PRKG2: variants seen among roughly 807,000 people sequenced by gnomAD.
PRKG2 encodes protein kinase cGMP-dependent 2.
A neutral mutation model predicts 97.2 loss-of-function variants in PRKG2; 33 were observed. That is an observed-to-expected ratio of 0.34 (90% CI 0.26 to 0.45). The LOEUF is 0.45. Ranked by LOEUF, PRKG2 falls within the 20% of genes least tolerant of loss-of-function variation. The pLI is 1.00. For missense variants in PRKG2, 638 were observed against 900.0 expected (o/e 0.71, Z 3.73); for synonymous variants, 330 against 321.8 (o/e 1.03, Z -0.27).
intron 14 of PRKG2, among the ~76,000 whole-genome samples, chr4:81,115,243 C>G (rs925878520): frequency 6.6e-6 from 1 of 152,154 alleles, no homozygotes; most frequent in Admixed American, 6.5e-5. Context: ...AGAGTTCTGA[C>G]CGCTCTACAT....
intron 2 of PRKG2, among the ~76,000 whole-genome samples, chr4:81,194,594 C>A (rs917169270): frequency 6.6e-6 from 1 of 150,570 alleles, no homozygotes; most frequent in Non-Finnish European, 1.5e-5. Context: ...CACAACAAAA[C>A]ATTTCTCTCT....
Position 81,140,587 on chromosome 4 carries a change from T to C in PRKG2, c.1490A>G (p.His497Arg), listed in dbSNP as rs1747183725. 1.2e-6 allele frequency: 2 copies of C among 1,613,016 alleles called. No homozygotes were observed. Among genetic ancestry groups the C allele is most frequent in the Non-Finnish European group, 8.5e-7 (1 of 1,179,248 alleles). The stretch of plus-strand genomic sequence containing the variant: ...TAGGATCCTCTTCTCTGAGTAGACA[T>C]GCTCCTGCTGCTTGGTGTCAACTAT... ...KHIVDTKQQEHVYSEKRILEE... is the reference protein window; with the variant it reads ...KHIVDTKQQERVYSEKRILEE... Residue 497 changes from histidine to arginine, a missense_variant, in exon 12 of 19, where the codon CAT becomes CGT. This residue lies in a region of PRKG2 where 304 missense variants were observed against 460.5 expected (regional missense o/e 0.66). Transcript: ENST00000264399.
At chr4:81,150,116 G>A (rs1414075657) in intron 8 of PRKG2, among the ~76,000 whole-genome samples, 1 of 152,150 alleles carries the variant, frequency 6.6e-6, no homozygotes, top group Non-Finnish European at 1.5e-5. Context: ...TGTAGAGCCA[G>A]ACAGATCTAG....
Position 81,140,569 on chromosome 4 carries a change from C to T in PRKG2, c.1508G>A (p.Arg503Lys), listed in dbSNP as rs774972977. The T allele has an allele frequency of 1.2e-6, 2 of 1,610,554 alleles. No homozygotes were observed. The highest frequency in any genetic ancestry group is 1.7e-6 in the Non-Finnish European group (2 of 1,177,638). Reference sequence around the variant, plus strand: ...TGGAGAGCACAGCTCCTCTAGGATCCTCTTCTCTGAGTAGACATGCTCCTG... The same window carrying T: ...TGGAGAGCACAGCTCCTCTAGGATCTTCTTCTCTGAGTAGACATGCTCCTG... The part of the protein sequence containing the change: ...KQQEHVYSEK[R>K]ILEELCSPFI... Residue 503 changes from arginine to lysine, a missense_variant, in exon 12 of 19, where the codon AGG becomes AAG. Arg to Lys is a conservative substitution (Grantham distance 26, BLOSUM62 2). Coordinates refer to ENST00000264399, the MANE Select transcript of PRKG2 (RefSeq NM_006259.3).
intron 3 of PRKG2, chr4:81,174,012 G>C (rs1313629743): frequency 1.3e-5 from 2 of 151,870 alleles, no homozygotes; most frequent in Admixed American, 6.6e-5. Context: ...TTTAATCCCT[G>C]TTTAGATAAT....
At chr4:81,160,436 A>T (rs1167778918) in intron 6 of PRKG2, among the ~76,000 whole-genome samples, 1 of 152,170 alleles carries the variant, frequency 6.6e-6, no homozygotes, top group Admixed American at 6.5e-5. Flanking sequence ...GGCAACAATC[A>T]CCAGCTTTCA....
chr4:81,100,406 G>T (rs1458697552), intron 17 of PRKG2, among the ~76,000 whole-genome samples: 1 of 152,078 alleles, frequency 6.6e-6, no homozygotes, highest in Non-Finnish European at 1.5e-5. Flanking sequence ...CAGAAATAAT[G>T]CCGCACATCT....
intron 17 of PRKG2, among the ~76,000 whole-genome samples, chr4:81,100,356 C>G (rs1742612184): frequency 6.6e-6 from 1 of 152,096 alleles, no homozygotes. Context: ...TTACTGGTAC[C>G]AAAACAGAGA....
intron 14 of PRKG2, among the ~76,000 whole-genome samples, chr4:81,128,037 T>C (rs183974952): frequency 6.8e-4 from 103 of 152,344 alleles, no homozygotes; most frequent in African/African-American, 2.4e-3. Context: ...GTTTTTAGCA[T>C]AAAGGGGTGT....
At chr4:81,148,017 T>A (rs190902513) in intron 9 of PRKG2, among the ~76,000 whole-genome samples, 8 of 152,270 alleles carry the variant, frequency 5.3e-5, no homozygotes, top group African/African-American at 1.9e-4. Flanking sequence ...ATTCTATTTT[T>A]TGATATGTTT....
intron 2 of PRKG2, among the ~76,000 whole-genome samples, chr4:81,185,633 T>C (rs558344997): frequency 6.6e-6 from 1 of 151,764 alleles, no homozygotes; most frequent in Non-Finnish European, 1.5e-5. Context: ...AATATTAACC[T>C]TAAATGTAAA....
chr4:81,092,465 A>AAAGGAAGGAAGG lies in PRKG2; in HGVS notation c.2127-25_2127-14dup, dbSNP rs59866145. ...ACCATTTAACCACCTGAGAAATGAG[A>AAAGGAAGGAAGG]AAGGAAGGAAGGAAGGAAGGAAGGA... On this transcript the variant is annotated splice_polypyrimidine_tract_variant and intron_variant, in intron 17 of 18. Coordinates refer to ENST00000264399, the MANE Select transcript of PRKG2 (RefSeq NM_006259.3). 0.098 allele frequency: 90,747 copies of AAAGGAAGGAAGG among 924,152 alleles called. 8,285 individuals carry two copies. The highest frequency in any genetic ancestry group is 0.13 in the African/African-American group (6,508 of 48,640). The allele number at this position is 924,152 out of a possible 1,614,324, so 57.2% of individuals were successfully genotyped here. A position where few individuals can be genotyped will look rare whatever the true frequency, so the allele number is the denominator to read the frequency against.
intron 14 of PRKG2, among the ~76,000 whole-genome samples, chr4:81,121,659 G>A (rs536163595): frequency 6.6e-6 from 1 of 152,160 alleles, no homozygotes; most frequent in Admixed American, 6.5e-5. Flanking sequence ...CCATATCCAT[G>A]AAATATATGG....
At chr4:81,115,838 A>G (rs1744458078) in intron 14 of PRKG2, among the ~76,000 whole-genome samples, 2 of 152,168 alleles carry the variant, frequency 1.3e-5, no homozygotes, top group Admixed American at 6.5e-5. Flanking sequence ...ATCTTTCCAT[A>G]AATTTTTACG....
chr4:81,130,998 T>G (rs1746120159), intron 14 of PRKG2, among the ~76,000 whole-genome samples: 1 of 152,216 alleles, frequency 6.6e-6, no homozygotes, highest in South Asian at 2.1e-4. Context: ...TGAATGGTTC[T>G]GTCTCACTTG....
chr4:81,129,021 T>G (rs994463246), intron 14 of PRKG2, among the ~76,000 whole-genome samples: 1 of 152,232 alleles, frequency 6.6e-6, no homozygotes, highest in Non-Finnish European at 1.5e-5. Context: ...TGTGTCTTTG[T>G]TCTCATTGGT....
At chr4:81,129,619 G>T (rs1345718407) in intron 14 of PRKG2, among the ~76,000 whole-genome samples, 1 of 151,946 alleles carries the variant, frequency 6.6e-6, no homozygotes, top group Non-Finnish European at 1.5e-5. Context: ...ATCTTTGTTG[G>T]TTTAAAGTTT....
chr4:81,217,112 G>A (rs945311893), upstream of PRKG2, among the ~76,000 whole-genome samples: 7 of 147,328 alleles, frequency 4.8e-5, no homozygotes, highest in East Asian at 2.0e-4. Flanking sequence ...TAATGGACAC[G>A]TAGGTTGACT....
chr4:81,156,324 A>C (rs2110065978), intron 6 of PRKG2, among the ~76,000 whole-genome samples: 2 of 152,306 alleles, frequency 1.3e-5, no homozygotes, highest in South Asian at 4.1e-4. Flanking sequence ...AGATCAAAAG[A>C]GACAAAGAAG....
Sources: gnomAD v4.1 joint callset for allele counts (sites outside exome capture counted in the v4.1 genomes callset) on GRCh38, gnomAD v4.1.1 for gene constraint, gnomAD v4.1.1 regional missense constraint, MANE v1.5 for transcripts, NCBI Gene and HGNC (gene_info 2026-07-23, HGNC 2026-07-21) for gene names.